Variants in SEMA6D observed in about 807,000 individuals in gnomAD.
The protein encoded by SEMA6D is semaphorin 6D.
A neutral mutation model predicts 106.6 loss-of-function variants in SEMA6D; 35 were observed. That is an observed-to-expected ratio of 0.33 (90% CI 0.25 to 0.44). SEMA6D has a LOEUF of 0.44. Ranked by LOEUF, SEMA6D falls within the 20% of genes least tolerant of loss-of-function variation. The pLI is 1.00. For missense variants in SEMA6D, 1,185 were observed against 1,345.9 expected (o/e 0.88, Z 1.87); for synonymous variants, 499 against 487.7 (o/e 1.02, Z -0.31).
At chr15:47,700,610 G>T (rs1246055388) in intron 4 of SEMA6D, among the ~76,000 whole-genome samples, 3 of 152,224 alleles carry the variant, frequency 2.0e-5, no homozygotes, top group East Asian at 3.9e-4. Flanking sequence ...AAAGGCAAAA[G>T]ACTCAGAATA....
At chr15:47,723,508 CAGTG>C (rs1433513925) in intron 1 of SEMA6D, among the ~76,000 whole-genome samples, 1 of 152,140 alleles carries the variant, frequency 6.6e-6, no homozygotes, top group East Asian at 1.9e-4. Context: ...TCAGCAAAGA[CAGTG>C]AGAGCTGCAG....
intron 1 of SEMA6D, among the ~76,000 whole-genome samples, chr15:47,255,568 T>G (rs2033762383): frequency 6.6e-6 from 1 of 152,130 alleles, no homozygotes; most frequent in Non-Finnish European, 1.5e-5. Flanking sequence ...GGAGATTTCT[T>G]TATATATTTT....
At chr15:47,256,303 A>G (rs1004085776) in intron 1 of SEMA6D, among the ~76,000 whole-genome samples, 12 of 152,334 alleles carry the variant, frequency 7.9e-5, no homozygotes, top group African/African-American at 2.6e-4. Flanking sequence ...CTTAGGGAGT[A>G]TGGACATACT....
rs566709510 is a variant in SEMA6D at position 47,491,214 on chromosome 15, C to A, written c.-87+20669C>A. Among the ~76,000 whole-genome samples the A allele has an allele frequency of 6.8e-4, 104 of 152,180 alleles. 1 individual carries two copies. Among genetic ancestry groups the A allele is most frequent in the Non-Finnish European group, 1.1e-3 (78 of 67,988 alleles). The stretch of plus-strand genomic sequence containing the variant: ...CTAATTTTCCTGCTCTTTGCCCACC[C>A]ACCTCAAATAACCCTACAACTAGAA... On this transcript the variant is annotated intron_variant, in intron 3 of 19. Transcript: ENST00000558014.
At chr15:47,195,940 A>AG (rs923304280) in intron 1 of SEMA6D, among the ~76,000 whole-genome samples, 26 of 9,382 alleles carry the variant, frequency 2.8e-3, no homozygotes, top group African/African-American at 2.8e-3. Context: ...AGAGAAAGCA[A>AG]GGCCCCCCAG....
chr15:47,495,832 C>T (rs1183005971), intron 3 of SEMA6D, among the ~76,000 whole-genome samples: 1 of 152,020 alleles, frequency 6.6e-6, no homozygotes, highest in Non-Finnish European at 1.5e-5. Context: ...GTACCCAATT[C>T]TCATAAATTT....
intron 4 of SEMA6D, among the ~76,000 whole-genome samples, chr15:47,688,368 A>T (rs993020325): frequency 6.6e-6 from 1 of 152,212 alleles, no homozygotes; most frequent in Admixed American, 6.5e-5. Flanking sequence ...AACCTAAAAA[A>T]TATTGAATAA....
At chr15:47,692,601 C>G (rs2078613163) in intron 4 of SEMA6D, among the ~76,000 whole-genome samples, 1 of 152,184 alleles carries the variant, frequency 6.6e-6, no homozygotes, top group Admixed American at 6.5e-5. Flanking sequence ...ACCTGATTCT[C>G]CAATGCTCAA....
intron 4 of SEMA6D, among the ~76,000 whole-genome samples, chr15:47,656,809 C>G (rs935056003): frequency 6.6e-6 from 1 of 152,154 alleles, no homozygotes; most frequent in Non-Finnish European, 1.5e-5. Flanking sequence ...CTTTTGCAAA[C>G]AGCTACAAAA....
At chr15:47,401,290 A>G (rs1019294971) in intron 1 of SEMA6D, among the ~76,000 whole-genome samples, 3 of 152,168 alleles carry the variant, frequency 2.0e-5, no homozygotes, top group Non-Finnish European at 4.4e-5. Flanking sequence ...AAATGGTCCC[A>G]ACTTTTATTT....
chr15:47,485,529 A>AG (rs1461276919), intron 3 of SEMA6D, among the ~76,000 whole-genome samples: 1 of 152,190 alleles, frequency 6.6e-6, no homozygotes, highest in Admixed American at 6.6e-5. Flanking sequence ...TATATACCAA[A>AG]GAGAGTCATA....
intron 1 of SEMA6D, among the ~76,000 whole-genome samples, chr15:47,394,555 T>G (rs894693604): frequency 2.6e-5 from 4 of 152,124 alleles, no homozygotes; most frequent in African/African-American, 9.7e-5. Flanking sequence ...CACTAATCAC[T>G]TCCCTCACAA....
At chr15:47,390,452 A>T (rs952294115) in intron 1 of SEMA6D, among the ~76,000 whole-genome samples, 1 of 152,230 alleles carries the variant, frequency 6.6e-6, no homozygotes, top group Non-Finnish European at 1.5e-5. Flanking sequence ...GTGGCCAAGT[A>T]TATTCATTTC....
At chr15:47,714,645 A>G (rs1035153572), upstream of SEMA6D, among the ~76,000 whole-genome samples, 16 of 152,362 alleles carry the variant, frequency 1.1e-4, no homozygotes, top group African/African-American at 3.6e-4. Flanking sequence ...AGCCCTTTAC[A>G]ATTTCTTCTG....
intron 4 of SEMA6D, among the ~76,000 whole-genome samples, chr15:47,607,172 T>TA (rs2076798590): frequency 6.6e-6 from 1 of 152,234 alleles, no homozygotes; most frequent in Admixed American, 6.5e-5. Context: ...TTGTAGAACT[T>TA]ACATTTCTTT....
chr15:47,404,630 A>T (rs2040502030), intron 1 of SEMA6D, among the ~76,000 whole-genome samples: 1 of 152,204 alleles, frequency 6.6e-6, no homozygotes, highest in Non-Finnish European at 1.5e-5. Flanking sequence ...GCTTTAAGAG[A>T]AAGATGCCCA....
chr15:47,405,369 A>G (rs1374492916), intron 1 of SEMA6D, among the ~76,000 whole-genome samples: 3 of 152,114 alleles, frequency 2.0e-5, no homozygotes, highest in Non-Finnish European at 4.4e-5. Context: ...ACAAAGTCTC[A>G]TCTCAGACAG....
At chr15:47,557,601 C>G (rs375722500) in intron 3 of SEMA6D, among the ~76,000 whole-genome samples, 1 of 152,208 alleles carries the variant, frequency 6.6e-6, no homozygotes, top group East Asian at 1.9e-4. Flanking sequence ...CTTACTACTC[C>G]CCTCATGAAG....
chr15:47,638,502 T>C (rs552012181), intron 4 of SEMA6D, among the ~76,000 whole-genome samples: 2 of 152,200 alleles, frequency 1.3e-5, no homozygotes, highest in Non-Finnish European at 2.9e-5. Context: ...TGTGTATGAA[T>C]CATTTATATG....
Sources: gnomAD v4.1 joint callset for allele counts (sites outside exome capture counted in the v4.1 genomes callset) on GRCh38, gnomAD v4.1.1 for gene constraint, MANE v1.5 for transcripts, NCBI Gene and HGNC (gene_info 2026-07-23, HGNC 2026-07-21) for gene names.